Variants in KIF6 observed in about 807,000 individuals in gnomAD.
KIF6 encodes kinesin-like protein KIF6.
A neutral mutation model predicts 112.7 loss-of-function variants in KIF6; 106 were observed. The ratio of observed to expected loss-of-function variants is 0.94; its 90% CI spans 0.80 to 1.11. KIF6 has a LOEUF of 1.11. Among genes scored for constraint, KIF6 ranks in the 50% least tolerant of loss-of-function variants. The probability of loss-of-function intolerance (pLI) is 0.00; values close to 1 mark genes in which losing one functional copy is unlikely to be tolerated. For synonymous variants in KIF6, 339 were observed against 339.9 expected, an observed-to-expected ratio of 1.00 and a Z score of 0.03; for missense variants, 929 against 964.0, an observed-to-expected ratio of 0.96 and a Z score of 0.48.
chr6:39,372,256 G>A (rs1276192476), intron 16 of KIF6, among the ~76,000 whole-genome samples: 1 of 152,144 alleles, frequency 6.6e-6, no homozygotes, highest in East Asian at 1.9e-4. Context: ...ATGAAGATGG[G>A]AAGAGACGGT....
At chr6:39,596,768 G>T (rs1782293094) in intron 6 of KIF6, among the ~76,000 whole-genome samples, 1 of 151,972 alleles carries the variant, frequency 6.6e-6, no homozygotes, top group Non-Finnish European at 1.5e-5. Flanking sequence ...CATAATAGTA[G>T]GAAAAGAAGA....
At chr6:39,379,195 T>A (rs1247358338) in intron 16 of KIF6, among the ~76,000 whole-genome samples, 1 of 152,234 alleles carries the variant, frequency 6.6e-6, no homozygotes, top group Non-Finnish European at 1.5e-5. Context: ...TGGGTGCCTC[T>A]TTTTTGCTTA....
At chr6:39,634,670 C>T (rs1488117044) in intron 5 of KIF6, among the ~76,000 whole-genome samples, 179 bp downstream of exon 5, 3 of 151,902 alleles carry the variant, frequency 2.0e-5, no homozygotes, top group Non-Finnish European at 4.4e-5. Flanking sequence ...TTTTAGTTCC[C>T]ATCACTACTG....
intron 3 of KIF6, among the ~76,000 whole-genome samples, chr6:39,704,863 G>T (rs187711420): frequency 1.3e-5 from 2 of 152,172 alleles, no homozygotes; most frequent in Non-Finnish European, 2.9e-5. Context: ...AACTTGTAAC[G>T]TTCCTGTGAA....
intron 16 of KIF6, among the ~76,000 whole-genome samples, chr6:39,384,148 T>C (rs988108275): frequency 2.6e-5 from 4 of 152,348 alleles, no homozygotes; most frequent in South Asian, 4.1e-4. Flanking sequence ...TCTGGCCTAA[T>C]TGCTCTGGCT....
intron 3 of KIF6, among the ~76,000 whole-genome samples, chr6:39,714,083 C>T (rs151177201): frequency 2.9e-4 from 44 of 152,316 alleles, no homozygotes; most frequent in African/African-American, 9.9e-4. Context: ...GGACTCTGTG[C>T]TTGAGTGTCT....
intron 7 of KIF6, 103 bp from the exon 8 acceptor site, chr6:39,586,507 A>T: frequency 1.1e-6 from 1 of 901,462 alleles, no homozygotes; most frequent in Non-Finnish European, 1.8e-6. Context: ...GGAAATAATA[A>T]CTAAATGCAC....
intron 13 of KIF6, among the ~76,000 whole-genome samples, chr6:39,492,635 T>C (rs955773522): frequency 1.3e-5 from 2 of 152,214 alleles, no homozygotes; most frequent in East Asian, 3.9e-4. Context: ...TCTCAGTGAC[T>C]GTTGTGTGCC....
At chr6:39,604,687 T>C (rs115335636) in intron 6 of KIF6, among the ~76,000 whole-genome samples, 1 of 152,270 alleles carries the variant, frequency 6.6e-6, no homozygotes, top group African/African-American at 2.4e-5. Context: ...ATTTAAAATT[T>C]AAAAACAAAC....
At chr6:39,336,968 C>G (rs1368179903) in intron 22 of KIF6, among the ~76,000 whole-genome samples, 1 of 145,104 alleles carries the variant, frequency 6.9e-6, no homozygotes, top group Non-Finnish European at 1.5e-5. Context: ...CTCTTTCATT[C>G]TTTCTCTCTT....
At chr6:39,372,351 C>T (rs905468046) in intron 16 of KIF6, among the ~76,000 whole-genome samples, 5 of 152,146 alleles carry the variant, frequency 3.3e-5, no homozygotes, top group African/African-American at 1.2e-4. Context: ...TAAGTCCCTA[C>T]CAAAAATTAC....
intron 5 of KIF6, among the ~76,000 whole-genome samples, chr6:39,621,399 T>C (rs1431720107): frequency 1.3e-5 from 2 of 152,178 alleles, no homozygotes; most frequent in Non-Finnish European, 2.9e-5. Context: ...GCACCCTCTG[T>C]GGAATGGACA....
chr6:39,634,893 A>T lies in KIF6; in HGVS notation c.465T>A (p.Asp155Glu). ...YLEIYNECGYDLLDPRHEASS... is the reference protein window; with the variant it reads ...YLEIYNECGYELLDPRHEASS... ...AGGCTTCATGTCTTGGATCCAAAAG[A>T]TCATAACCACATTCATTGTAGATTT... The change falls in exon 5 of 23, where the codon GAT (aspartate) becomes GAA (glutamate). Residue 155 changes from aspartate to glutamate, a missense_variant. Coordinates refer to ENST00000287152, the MANE Select transcript of KIF6 (RefSeq NM_145027.6). 1.2e-6 allele frequency: 2 copies of T among 1,612,778 alleles called. No homozygotes were observed. The highest frequency in any genetic ancestry group is 1.7e-6 in the Non-Finnish European group (2 of 1,179,008).
chr6:39,696,938 G>GA (rs67801153), intron 3 of KIF6, among the ~76,000 whole-genome samples: 19 of 148,844 alleles, frequency 1.3e-4, no homozygotes, highest in Admixed American at 5.4e-4. Flanking sequence ...GGCAGAATTA[G>GA]AAAAAAAAAA....
intron 10 of KIF6, among the ~76,000 whole-genome samples, chr6:39,565,645 C>A (rs1159116113): frequency 1.3e-5 from 2 of 152,296 alleles, no homozygotes; most frequent in African/African-American, 4.8e-5. Context: ...TTTGGCACCA[C>A]CTCCTACCTC....
chr6:39,445,557 T>G (rs1241151225), intron 13 of KIF6, among the ~76,000 whole-genome samples: 2 of 152,188 alleles, frequency 1.3e-5, no homozygotes, highest in Non-Finnish European at 2.9e-5. Context: ...AGCTCAGCAC[T>G]GAGGGCATGG....
intron 14 of KIF6, among the ~76,000 whole-genome samples, chr6:39,427,437 C>A (rs977527452): frequency 6.6e-6 from 1 of 152,156 alleles, no homozygotes; most frequent in Non-Finnish European, 1.5e-5. Flanking sequence ...CAGTTATGAA[C>A]ATGTAATATC....
In KIF6 at chr6:39,523,521, A is replaced by T. The variant is rs1175713280; in HGVS notation, c.1645+16482T>A. Among the ~76,000 whole-genome samples the T allele has an allele frequency of 4.7e-5, 7 of 150,156 alleles. 1 individual carries two copies. The highest frequency in any genetic ancestry group is 1.2e-4 in the African/African-American group (5 of 40,808). ...CTATCCACACAAACCCTACAATCCA[A>T]CCCAACCAAATGCTTTTGCAACATC... On this transcript the variant is annotated intron_variant, in intron 13 of 22. Transcript: ENST00000287152.
chr6:39,670,986 G>A (rs1786784108), intron 3 of KIF6, among the ~76,000 whole-genome samples: 2 of 152,160 alleles, frequency 1.3e-5, no homozygotes, highest in Non-Finnish European at 1.5e-5. Context: ...CACTAATTTG[G>A]TTTTTAATTC....
Sources: gnomAD v4.1 joint callset for allele counts (sites outside exome capture counted in the v4.1 genomes callset) on GRCh38, gnomAD v4.1.1 for gene constraint, MANE v1.5 for transcripts, NCBI Gene and HGNC (gene_info 2026-07-23, HGNC 2026-07-21) for gene names.